NET1: variants seen among roughly 807,000 people sequenced by gnomAD.
The protein encoded by NET1 is neuroepithelial cell-transforming gene 1 protein.
A neutral mutation model predicts 61.1 loss-of-function variants in NET1; 42 were observed. The ratio of observed to expected loss-of-function variants is 0.69; its 90% CI spans 0.54 to 0.89. NET1 has a LOEUF of 0.89. Among genes scored for constraint, NET1 ranks in the 40% least tolerant of loss-of-function variants. The pLI is 0.00. For synonymous variants in NET1, 254 were observed against 281.8 expected (o/e 0.90, Z 0.99); for missense variants, 654 against 747.3 (o/e 0.88, Z 1.46).
Position 5,446,551 on chromosome 10 carries a change from G to C in NET1, c.256-5279G>C, listed in dbSNP as rs1032457746. On this transcript the variant is annotated intron_variant, in intron 3 of 11. Coordinates refer to ENST00000355029, the MANE Select transcript of NET1 (RefSeq NM_001047160.3). This position sits in a 1 kb window ranked among gnomAD's most constrained non-coding sequence, Gnocchi z 5.0. ...GTGGTGGACCCCGCCCCCAGGGCCC[G>C]GTTGGCTGTGGCCCCGCCCCCGAGC... 8.7e-7 allele frequency: 1 copy of C among 1,149,928 alleles called. No homozygotes were observed. Among genetic ancestry groups the C allele is most frequent in the Non-Finnish European group, 1.1e-6 (1 of 936,302 alleles). The allele number at this position is 1,149,928 out of a possible 1,614,324, so 71.2% of individuals were successfully genotyped here. A position where few individuals can be genotyped will look rare whatever the true frequency, so the allele number is the denominator to read the frequency against.
At chr10:5,413,094 G>C (rs1278296365) in intron 1 of NET1, among the ~76,000 whole-genome samples, 2 of 151,776 alleles carry the variant, frequency 1.3e-5, no homozygotes, top group African/African-American at 4.8e-5. Flanking sequence ...GTGACAGTGT[G>C]CCTGGCCTTG....
At position 5,452,719 on chromosome 10, in the gene NET1, GATTCCATTCTGAATTACA is replaced by G; in HGVS notation, c.532-135_532-118del. ...AAACATACGGCAACCTTGTATTTGA[GATTCCATTCTGAATTACA>G]ATTTTCAGACTGAGTTACTTTTTAA... is the stretch of plus-strand genomic sequence containing the variant. On this transcript the variant is annotated intron_variant, in intron 5 of 11. Coordinates refer to ENST00000355029, the MANE Select transcript of NET1 (RefSeq NM_001047160.3). This position sits in a 1 kb window ranked among gnomAD's most constrained non-coding sequence, Gnocchi z 4.0. 4 of 945,056 alleles carry G rather than the reference GATTCCATTCTGAATTACA, an allele frequency of 4.2e-6. No homozygotes were observed. Among genetic ancestry groups the G allele is most frequent in the Non-Finnish European group, 6.3e-6 (4 of 630,136 alleles). The allele number at this position is 945,056 out of a possible 1,614,324, so 58.5% of individuals were successfully genotyped here.
Position 5,446,722 on chromosome 10 carries a change from C to G in NET1, c.256-5108C>G. The G allele has an allele frequency of 6.5e-7, 1 of 1,541,686 alleles. No individual in the cohort carries two copies. Among genetic ancestry groups the G allele is most frequent in the Non-Finnish European group, 8.8e-7 (1 of 1,136,496 alleles). On this transcript the variant is annotated intron_variant, in intron 3 of 11. Coordinates refer to ENST00000355029, the MANE Select transcript of NET1 (RefSeq NM_001047160.3). This position sits in a 1 kb window ranked among gnomAD's most constrained non-coding sequence, Gnocchi z 5.0. ...GCATAGCGTCGCTACAGCGCTGACT[C>G]GGTGTGGATTGATTGGAAAGGTTTG...
Position 5,451,692 on chromosome 10 carries a change from A to G in NET1, c.256-138A>G. ...AGAGTTCTTATTGTTTTGACAATGAAGAACAACTCTTACTTTCATGTTTCT... is the reference window on the plus strand; with the variant it reads ...AGAGTTCTTATTGTTTTGACAATGAGGAACAACTCTTACTTTCATGTTTCT... On this transcript the variant is annotated intron_variant, in intron 3 of 11. Transcript: ENST00000355029. This position sits in a 1 kb window ranked among gnomAD's most constrained non-coding sequence, Gnocchi z 6.1. 2 of 562,354 alleles carry G rather than the reference A, an allele frequency of 3.6e-6. No homozygotes were observed. The highest frequency in any genetic ancestry group is 7.1e-5 in the South Asian group (2 of 28,360). The allele number at this position is 562,354 out of a possible 1,614,324, so 34.8% of individuals were successfully genotyped here. A position where few individuals can be genotyped will look rare whatever the true frequency, so the allele number is the denominator to read the frequency against.
chr10:5,427,104 T>C lies in NET1; in HGVS notation c.195+383T>C, dbSNP rs1832269924. The stretch of plus-strand genomic sequence containing the variant: ...CTTGATTGCACATTGTGTATATATA[T>C]TTAATATATATAATGAATGATTTTC... On this transcript the variant is annotated intron_variant, in intron 2 of 11. Coordinates refer to ENST00000355029, the MANE Select transcript of NET1 (RefSeq NM_001047160.3). The surrounding 1 kb of genome is among the most constrained non-coding windows in gnomAD (Gnocchi z 4.1). 6.6e-6 allele frequency among the ~76,000 whole-genome samples: 1 copy of C among 151,918 alleles called. No homozygotes were observed. Among genetic ancestry groups the C allele is most frequent in the Admixed American group, 6.6e-5 (1 of 15,258 alleles).
Position 5,420,971 on chromosome 10 carries a change from G to C in NET1, c.129-5684G>C, listed in dbSNP as rs1832166046. Among the ~76,000 whole-genome samples, 1 of 152,118 alleles carries C rather than the reference G, an allele frequency of 6.6e-6. No homozygotes were observed. The highest frequency in any genetic ancestry group is 1.5e-5 in the Non-Finnish European group (1 of 68,014). ...GAACGAGGACTGCTTTTCTGGCCTA[G>C]TTTTTTTGATACCAAGTCTGTTCTG... On this transcript the variant is annotated intron_variant, in intron 1 of 11. Transcript: ENST00000355029. The surrounding 1 kb of genome is among the most constrained non-coding windows in gnomAD (Gnocchi z 5.3).
rs1458454220 is a variant in NET1 at position 5,422,955 on chromosome 10, G to T, written c.129-3700G>T. ...CCAAATGTAAAAAGTGTTAACTGCA[G>T]AGGATAAATTATACCATTCTTTTTA... is the stretch of plus-strand genomic sequence containing the variant. On this transcript the variant is annotated intron_variant, in intron 1 of 11. Transcript: ENST00000355029. This position sits in a 1 kb window ranked among gnomAD's most constrained non-coding sequence, Gnocchi z 4.1. Among the ~76,000 whole-genome samples the T allele has an allele frequency of 6.6e-6, 1 of 152,174 alleles. No individual in the cohort carries two copies. Among genetic ancestry groups the T allele is most frequent in the Non-Finnish European group, 1.5e-5 (1 of 68,028 alleles).
chr10:5,453,064 C>T lies in NET1; in HGVS notation c.594+144C>T. 1 of 713,792 alleles carries T rather than the reference C, an allele frequency of 1.4e-6. No homozygotes were observed. The highest frequency in any genetic ancestry group is 1.7e-5 in the South Asian group (1 of 57,304). 44.2% of individuals were successfully genotyped at this position (713,792 alleles called of 1,614,324 possible). A position where few individuals can be genotyped will look rare whatever the true frequency, so the allele number is the denominator to read the frequency against. ...ACATTTTTTTTAGGTGAGGTCTAGA[C>T]ACATCCTCAAATACAAGTATTAGTA... On this transcript the variant is annotated intron_variant, in intron 6 of 11. Transcript: ENST00000355029. This position sits in a 1 kb window ranked among gnomAD's most constrained non-coding sequence, Gnocchi z 4.9.
chr10:5,428,498 T>A (rs201167609), intron 2 of NET1, among the ~76,000 whole-genome samples: 110 of 132,894 alleles, frequency 8.3e-4, no homozygotes, highest in Middle Eastern at 3.6e-3. Context: ...GTGTTCCTTT[T>A]CAAAAAAAAA....
chr10:5,429,475 C>CAA (rs959876749), intron 3 of NET1, among the ~76,000 whole-genome samples: 11 of 152,082 alleles, frequency 7.2e-5, no homozygotes, highest in African/African-American at 2.4e-4. Context: ...ATCACAAACA[C>CAA]AAATGCTAAG....
At position 5,451,733 on chromosome 10, in the gene NET1, C is replaced by T; in HGVS notation, c.256-97C>T. On this transcript the variant is annotated intron_variant, in intron 3 of 11. Transcript: ENST00000355029. This position sits in a 1 kb window ranked among gnomAD's most constrained non-coding sequence, Gnocchi z 6.1. ...TCATGTTTCTGTATTTTATAATGTA[C>T]AAAAATTGTTTTGTGAGAGGGCTTT... is the stretch of plus-strand genomic sequence containing the variant. The T allele has an allele frequency of 2.4e-6, 2 of 819,628 alleles. No individual in the cohort carries two copies. The highest frequency in any genetic ancestry group is 2.0e-5 in the South Asian group (1 of 49,686). 50.8% of individuals were successfully genotyped at this position (819,628 alleles called of 1,614,324 possible). A position where few individuals can be genotyped will look rare whatever the true frequency, so the allele number is the denominator to read the frequency against.
rs1208293651 is a variant in NET1, at chr10:5,437,896, A to G, written c.255+8667A>G. Reference sequence around the variant, plus strand: ...ATACATTTATAAAGACTGAAATCATACAGACTAATTTTTTTAACACAGAGA... The same window carrying G: ...ATACATTTATAAAGACTGAAATCATGCAGACTAATTTTTTTAACACAGAGA... On this transcript the variant is annotated intron_variant, in intron 3 of 11. Transcript: ENST00000355029. The surrounding 1 kb of genome is among the most constrained non-coding windows in gnomAD (Gnocchi z 4.3). Among the ~76,000 whole-genome samples, 3 of 152,246 alleles carry G rather than the reference A, an allele frequency of 2.0e-5. No individual in the cohort carries two copies. The highest frequency in any genetic ancestry group is 2.9e-5 in the Non-Finnish European group (2 of 68,040).
chr10:5,430,800 G>GT (rs1246071545), intron 3 of NET1, among the ~76,000 whole-genome samples: 6 of 150,898 alleles, frequency 4.0e-5, no homozygotes, highest in African/African-American at 9.7e-5. Flanking sequence ...GTTTGTTTAG[G>GT]TTTTTTTTGG....
At chr10:5,425,903 C>T (rs962161279) in intron 1 of NET1, among the ~76,000 whole-genome samples, 3 of 152,068 alleles carry the variant, frequency 2.0e-5, no homozygotes, top group African/African-American at 7.2e-5. Flanking sequence ...CTGCCTTTAT[C>T]TCTTGTGCTA....
chr10:5,425,729 G>A (rs1280188939), intron 1 of NET1, among the ~76,000 whole-genome samples: 5 of 152,174 alleles, frequency 3.3e-5, no homozygotes, highest in African/African-American at 7.2e-5. Context: ...CTGTCAAGAT[G>A]CAAATGACGA....
rs1262798448 is a variant in NET1 at position 5,449,445 on chromosome 10, C to A, written c.256-2385C>A. On this transcript the variant is annotated intron_variant, in intron 3 of 11. Coordinates refer to ENST00000355029, the MANE Select transcript of NET1 (RefSeq NM_001047160.3). The surrounding 1 kb of genome is among the most constrained non-coding windows in gnomAD (Gnocchi z 4.4). ...AGATTTGATAAACTCTGAAAAGCAG[C>A]ATTTCCTTTGTGGAGAAGTGGGATT... Among the ~76,000 whole-genome samples, 1 of 152,114 alleles carries A rather than the reference C, an allele frequency of 6.6e-6. No homozygotes were observed. The highest frequency in any genetic ancestry group is 2.4e-5 in the African/African-American group (1 of 41,412).
chr10:5,446,492 G>C lies in NET1; in HGVS notation c.256-5338G>C, dbSNP rs140507227. 5.1e-4 allele frequency: 474 copies of C among 935,350 alleles called. 4 individuals carry two copies. The African/African-American group carries it at 7.5e-3, about 15-fold the overall frequency. The allele number at this position is 935,350 out of a possible 1,614,324, so 57.9% of individuals were successfully genotyped here. On this transcript the variant is annotated intron_variant, in intron 3 of 11. Transcript: ENST00000355029. The surrounding 1 kb of genome is among the most constrained non-coding windows in gnomAD (Gnocchi z 5.0). ...CCTGGGCGAAAGCTGAGAGGCCTAGGTGTGCCCAGCTCTCAGTTAACTGAA... is the reference window on the plus strand; with the variant it reads ...CCTGGGCGAAAGCTGAGAGGCCTAGCTGTGCCCAGCTCTCAGTTAACTGAA...
Position 5,431,777 on chromosome 10 carries a change from G to C in NET1, c.255+2548G>C, listed in dbSNP as rs1232438447. ...ATGGATTCAGTTTTTTTTAAATTTT[G>C]TTTTGTAGAAAAGACAGGGTCTCAC... On this transcript the variant is annotated intron_variant, in intron 3 of 11. Coordinates refer to ENST00000355029, the MANE Select transcript of NET1 (RefSeq NM_001047160.3). The surrounding 1 kb of genome is among the most constrained non-coding windows in gnomAD (Gnocchi z 4.9). Among the ~76,000 whole-genome samples the C allele has an allele frequency of 6.6e-6, 1 of 151,430 alleles. No homozygotes were observed. Among genetic ancestry groups the C allele is most frequent in the African/African-American group, 2.4e-5 (1 of 41,180 alleles).
rs1832558855 is a variant in NET1 at position 5,443,606 on chromosome 10, C to T, written c.256-8224C>T. 6.6e-6 allele frequency among the ~76,000 whole-genome samples: 1 copy of T among 152,162 alleles called. No individual in the cohort carries two copies. Among genetic ancestry groups the T allele is most frequent in the Admixed American group, 6.5e-5 (1 of 15,282 alleles). On this transcript the variant is annotated intron_variant, in intron 3 of 11. Transcript: ENST00000355029. This position sits in a 1 kb window ranked among gnomAD's most constrained non-coding sequence, Gnocchi z 4.8. Reference sequence around the variant, plus strand: ...GTTGAACTTCCGCATGTTCATCATTCCTTTTTTAGATGCTGTCTACATTTA... The same window carrying T: ...GTTGAACTTCCGCATGTTCATCATTTCTTTTTTAGATGCTGTCTACATTTA...
Sources: allele counts gnomAD v4.1 joint callset (sites outside exome capture counted in the v4.1 genomes callset), GRCh38; gene constraint gnomAD v4.1.1; non-coding constraint Gnocchi (gnomAD v3.1); transcripts MANE v1.5; gene names NCBI Gene and HGNC (gene_info 2026-07-23, HGNC 2026-07-21).